Variants in ADAM32 observed in about 807,000 individuals in gnomAD.
ADAM32 encodes disintegrin and metalloproteinase domain-containing protein 32.
A neutral mutation model predicts 114.9 loss-of-function variants in ADAM32; 89 were observed. The observed-to-expected ratio is 0.77, with a 90% CI of 0.65 to 0.92. The LOEUF (loss-of-function observed/expected upper bound fraction) is 0.92. ADAM32 is among the 40% of genes least tolerant of loss of function. ADAM32 has a pLI of 0.00. For missense variants in ADAM32, 870 were observed against 932.8 expected (o/e 0.93, Z 0.88); for synonymous variants, 285 against 307.5 (o/e 0.93, Z 0.77).
At chr8:39,173,909 CT>C (rs2129446585) in intron 10 of ADAM32, among the ~76,000 whole-genome samples, 1 of 152,282 alleles carries the variant, frequency 6.6e-6, no homozygotes, top group South Asian at 2.1e-4. Context: ...ACTGCAACCT[CT>C]GCCTCCAAGG....
intron 19 of ADAM32, among the ~76,000 whole-genome samples, chr8:39,266,524 T>C (rs1337269976): frequency 6.6e-6 from 1 of 152,194 alleles, no homozygotes; most frequent in East Asian, 1.9e-4. Flanking sequence ...AGTTTATTTT[T>C]CTCTTAAAAT....
chr8:39,268,378 A>G (rs890042885), intron 19 of ADAM32, among the ~76,000 whole-genome samples: 3 of 152,142 alleles, frequency 2.0e-5, no homozygotes, highest in African/African-American at 2.4e-5. Context: ...TGCCATCTGT[A>G]TACCTTCTCT....
chr8:39,198,107 AT>A (rs992686457), intron 11 of ADAM32, among the ~76,000 whole-genome samples: 1 of 150,054 alleles, frequency 6.7e-6, no homozygotes, highest in Non-Finnish European at 1.5e-5. Flanking sequence ...CCTATAATCT[AT>A]TTTTTTTCTG....
intron 11 of ADAM32, among the ~76,000 whole-genome samples, chr8:39,189,826 C>T (rs1240925645): frequency 6.6e-6 from 1 of 151,784 alleles, no homozygotes; most frequent in East Asian, 1.9e-4. Context: ...GAGATGGAGT[C>T]TCGCTCTGTT....
At chr8:39,120,710 C>T (rs922561407) in intron 2 of ADAM32, among the ~76,000 whole-genome samples, 5 of 139,750 alleles carry the variant, frequency 3.6e-5, no homozygotes, top group Admixed American at 1.6e-4. Context: ...TGCAGTGAGC[C>T]GAGATTGGGC....
chr8:39,177,810 T>C (rs1404985430), intron 10 of ADAM32, among the ~76,000 whole-genome samples: 1 of 152,242 alleles, frequency 6.6e-6, no homozygotes, highest in African/African-American at 2.4e-5. Context: ...TTGAAAATTC[T>C]TTTCTATAAG....
intron 19 of ADAM32, 24 bp downstream of exon 19, chr8:39,257,367 G>C: frequency 6.2e-7 from 1 of 1,612,062 alleles, no homozygotes; most frequent in Non-Finnish European, 8.5e-7. Context: ...GTGTTCTGAA[G>C]TTAAACATTA....
intron 11 of ADAM32, among the ~76,000 whole-genome samples, chr8:39,195,512 A>G (rs1806920997): frequency 6.6e-6 from 1 of 152,198 alleles, no homozygotes; most frequent in East Asian, 1.9e-4. Flanking sequence ...TGCCTAGAAC[A>G]ATGTCCTGAA....
chr8:39,151,660 T>C (rs1803839333), intron 6 of ADAM32, 112 bp downstream of exon 6: 1 of 797,294 alleles, frequency 1.3e-6, no homozygotes, highest in Non-Finnish European at 1.8e-6. Context: ...TATCCTTTCC[T>C]TGTGAACATC....
chr8:39,209,225 C>A (rs767143806), intron 11 of ADAM32, among the ~76,000 whole-genome samples: 4 of 152,184 alleles, frequency 2.6e-5, no homozygotes, highest in Non-Finnish European at 5.9e-5. Flanking sequence ...TGTTTGTGCT[C>A]GTGAATTCTT....
At chr8:39,138,828 AG>A (rs747050277) in intron 3 of ADAM32, among the ~76,000 whole-genome samples, 73 of 152,326 alleles carry the variant, frequency 4.8e-4, no homozygotes, top group Middle Eastern at 6.8e-3. Context: ...TATCCTCTCC[AG>A]CATCTGTTGT....
At chr8:39,193,450 T>G (rs1564570838) in intron 11 of ADAM32, among the ~76,000 whole-genome samples, 1 of 152,206 alleles carries the variant, frequency 6.6e-6, no homozygotes, top group Non-Finnish European at 1.5e-5. Context: ...AATGTTCTCC[T>G]GAATCTCAAT....
intron 19 of ADAM32, among the ~76,000 whole-genome samples, chr8:39,260,155 T>C (rs888743334): frequency 6.6e-6 from 1 of 152,204 alleles, no homozygotes; most frequent in African/African-American, 2.4e-5. Context: ...ATTCCTGTAA[T>C]TAACACATCC....
intron 14 of ADAM32, among the ~76,000 whole-genome samples, chr8:39,225,643 T>G (rs1177591776): frequency 6.6e-6 from 1 of 152,196 alleles, no homozygotes. Flanking sequence ...ACCACAGCTT[T>G]AGCTGCTCAG....
At chr8:39,164,391 GT>G (rs778213244) in intron 7 of ADAM32, among the ~76,000 whole-genome samples, 42 of 152,290 alleles carry the variant, frequency 2.8e-4, no homozygotes, top group Non-Finnish European at 5.0e-4. Flanking sequence ...GGATATATGA[GT>G]TATTTCTAGT....
intron 1 of ADAM32, among the ~76,000 whole-genome samples, chr8:39,112,147 A>G (rs571633002): frequency 6.6e-6 from 1 of 152,258 alleles, no homozygotes; most frequent in South Asian, 2.1e-4. Context: ...GAAAACGACT[A>G]TGTTTAACAG....
intron 11 of ADAM32, among the ~76,000 whole-genome samples, chr8:39,195,386 C>A (rs1585510165): frequency 6.6e-6 from 1 of 152,266 alleles, no homozygotes; most frequent in South Asian, 2.1e-4. Flanking sequence ...TACAGATTGT[C>A]TCTTCATTCC....
intron 19 of ADAM32, among the ~76,000 whole-genome samples, chr8:39,270,225 A>G (rs1315874154): frequency 6.6e-6 from 1 of 152,172 alleles, no homozygotes; most frequent in Non-Finnish European, 1.5e-5. Context: ...TTTGCCATGC[A>G]TGGTGTTCAA....
rs775023342 is a variant in ADAM32, at chr8:39,158,952, T to G, written c.526-1945T>G. 2.0e-5 allele frequency among the ~76,000 whole-genome samples: 3 copies of G among 152,174 alleles called. No individual in the cohort carries two copies. The East Asian group carries it at 5.8e-4, about 29-fold the overall frequency. ...TCCTTTAGTTTTTTTTACATAGTTT[T>G]TCATAGCTTTTTGAACATATTTTAA... On this transcript the variant is annotated intron_variant, in intron 6 of 24. Transcript: ENST00000379907.
Sources: allele counts gnomAD v4.1 joint callset (sites outside exome capture counted in the v4.1 genomes callset), GRCh38; gene constraint gnomAD v4.1.1; transcripts MANE v1.5; gene names NCBI Gene and HGNC (gene_info 2026-07-23, HGNC 2026-07-21).